Variants in NRG3 observed in about 807,000 individuals in gnomAD.
NRG3 encodes the protein pro-neuregulin-3, membrane-bound isoform.
Under a neutral mutation model 66.9 loss-of-function variants are expected in NRG3, and 31 were observed. The observed-to-expected ratio is 0.46, with a 90% CI of 0.35 to 0.63. The LOEUF (loss-of-function observed/expected upper bound fraction) is 0.63, where lower values mean the gene tolerates loss of function less well. Among genes scored for constraint, NRG3 ranks in the 20% least tolerant of loss-of-function variants. The pLI is 0.00. For missense variants in NRG3, 910 were observed against 878.9 expected, an observed-to-expected ratio of 1.04 and a Z score of -0.45; for synonymous variants, 393 against 359.4, an observed-to-expected ratio of 1.09 and a Z score of -1.06.
chr10:82,456,210 C>G (rs918442656), intron 2 of NRG3, among the ~76,000 whole-genome samples: 1 of 141,252 alleles, frequency 7.1e-6, no homozygotes, highest in African/African-American at 2.6e-5. Flanking sequence ...GTGGTGTGAT[C>G]ATGGCTCACT....
chr10:82,380,262 A>G (rs1440151694), intron 2 of NRG3, among the ~76,000 whole-genome samples: 1 of 119,870 alleles, frequency 8.3e-6, no homozygotes, highest in Non-Finnish European at 1.6e-5. Context: ...AGACAAGCAG[A>G]TCAGATTTTT....
At chr10:82,936,441 G>T (rs769985825) in intron 4 of NRG3, among the ~76,000 whole-genome samples, 1 of 152,140 alleles carries the variant, frequency 6.6e-6, no homozygotes, top group Admixed American at 6.5e-5. Context: ...GTTATGAGAG[G>T]CCATAGGGTT....
intron 1 of NRG3, among the ~76,000 whole-genome samples, chr10:81,992,826 A>G (rs546508386): frequency 1.2e-4 from 18 of 152,196 alleles, no homozygotes; most frequent in Non-Finnish European, 2.4e-4. Flanking sequence ...GCCAGCAGAT[A>G]CAAGTCCTGC....
At chr10:82,983,948 T>C (rs1332127306) in intron 8 of NRG3, among the ~76,000 whole-genome samples, 1 of 152,250 alleles carries the variant, frequency 6.6e-6, no homozygotes, top group South Asian at 2.1e-4. Context: ...GCTCCCATCA[T>C]GTCCTTACAA....
chr10:82,781,236 G>A (rs1351295353), intron 3 of NRG3, among the ~76,000 whole-genome samples: 1 of 152,098 alleles, frequency 6.6e-6, no homozygotes, highest in Admixed American at 6.6e-5. Flanking sequence ...TAGAGGAGAG[G>A]AACAAGGAAT....
intron 2 of NRG3, among the ~76,000 whole-genome samples, chr10:82,507,718 T>C (rs1844814929): frequency 6.6e-6 from 1 of 152,202 alleles, no homozygotes; most frequent in Admixed American, 6.5e-5. Context: ...GGACTAGGTT[T>C]CTGAAAGCTA....
rs1014209325 is a variant in NRG3, at chr10:82,837,295, C to G, written c.1028-28116C>G. 3.9e-5 allele frequency among the ~76,000 whole-genome samples: 6 copies of G among 152,042 alleles called. No individual in the cohort carries two copies. In the East Asian group the frequency reaches 9.7e-4, roughly 24 times the overall value. Reference sequence around the variant, plus strand: ...GCTGAGTCAAATGGTATTTCTAGTTCTAGATCCCTGAGGAATCACCACACT... The same window carrying G: ...GCTGAGTCAAATGGTATTTCTAGTTGTAGATCCCTGAGGAATCACCACACT... On this transcript the variant is annotated intron_variant, in intron 3 of 8. Coordinates refer to ENST00000372141, the MANE Select transcript of NRG3 (RefSeq NM_001010848.4).
In NRG3 at chr10:82,677,455, A is replaced by G. The variant is rs1463904168; in HGVS notation, c.954-61122A>G. On this transcript the variant is annotated intron_variant, in intron 2 of 8. Coordinates refer to ENST00000372141, the MANE Select transcript of NRG3 (RefSeq NM_001010848.4). ...CTTTTTGGTACTGACACTTTTACACACAACAAGATCATTCATGCAAAAATG... is the reference window on the plus strand; with the variant it reads ...CTTTTTGGTACTGACACTTTTACACGCAACAAGATCATTCATGCAAAAATG... Among the ~76,000 whole-genome samples the G allele has an allele frequency of 2.0e-5, 3 of 152,158 alleles. No homozygotes were observed. The East Asian group carries it at 5.8e-4, about 29-fold the overall frequency.
chr10:82,346,569 G>T (rs1564820176), intron 1 of NRG3, among the ~76,000 whole-genome samples: 1 of 152,060 alleles, frequency 6.6e-6, no homozygotes, highest in Admixed American at 6.5e-5. Context: ...TCAGAATGAT[G>T]CTGGCCTCAT....
intron 1 of NRG3, among the ~76,000 whole-genome samples, chr10:82,027,115 G>A (rs577440029): frequency 2.0e-5 from 3 of 152,084 alleles, no homozygotes; most frequent in South Asian, 4.2e-4. Context: ...TATTTTCTGG[G>A]CATCCTTTGG....
intron 1 of NRG3, among the ~76,000 whole-genome samples, chr10:82,286,055 C>T (rs1488723989): frequency 1.3e-5 from 2 of 152,130 alleles, no homozygotes; most frequent in African/African-American, 4.8e-5. Context: ...TGTGTTGATT[C>T]TACAAACAGA....
chr10:82,009,785 A>C lies in NRG3; in HGVS notation c.823+133622A>C, dbSNP rs1589767946. On this transcript the variant is annotated intron_variant, in intron 1 of 8. Coordinates refer to ENST00000372141, the MANE Select transcript of NRG3 (RefSeq NM_001010848.4). ...GCTGAGACCAAATCCCTGGGATCAG[A>C]CCTTTCAGCCCCAGCCATGCCTCCT... 3.9e-5 allele frequency among the ~76,000 whole-genome samples: 6 copies of C among 152,258 alleles called. No individual in the cohort carries two copies. The South Asian group carries it at 1.2e-3, about 32-fold the overall frequency.
intron 2 of NRG3, among the ~76,000 whole-genome samples, chr10:82,663,714 A>G (rs2052545989): frequency 6.6e-6 from 1 of 152,230 alleles, no homozygotes; most frequent in Non-Finnish European, 1.5e-5. Context: ...TGCAAACACT[A>G]GAAAATGATA....
At chr10:82,059,658 T>C (rs777581442) in intron 1 of NRG3, among the ~76,000 whole-genome samples, 2 of 152,194 alleles carry the variant, frequency 1.3e-5, no homozygotes, top group East Asian at 1.9e-4. Flanking sequence ...TTCTTACTTA[T>C]GATCGGCGCT....
intron 2 of NRG3, among the ~76,000 whole-genome samples, chr10:82,664,092 C>T (rs1195213119): frequency 6.6e-5 from 10 of 152,164 alleles, no homozygotes; most frequent in African/African-American, 2.4e-4. Context: ...GTGTTCAAAT[C>T]TGCTTTTCTC....
At chr10:82,691,255 A>T (rs1423186182) in intron 2 of NRG3, among the ~76,000 whole-genome samples, 2 of 152,154 alleles carry the variant, frequency 1.3e-5, no homozygotes, top group Non-Finnish European at 2.9e-5. Flanking sequence ...CACAACACAA[A>T]GCTTTTATGA....
At chr10:82,778,732 G>A (rs1379294514) in intron 3 of NRG3, among the ~76,000 whole-genome samples, 2 of 152,104 alleles carry the variant, frequency 1.3e-5, no homozygotes, top group African/African-American at 4.8e-5. Context: ...TGGTCCTTTG[G>A]TGGCAGGGCA....
At chr10:82,964,098 A>T (rs932616023) in intron 6 of NRG3, among the ~76,000 whole-genome samples, 1 of 152,234 alleles carries the variant, frequency 6.6e-6, no homozygotes, top group African/African-American at 2.4e-5. Flanking sequence ...AGATTCATAC[A>T]TTCATTTATT....
At chr10:82,028,690 A>G (rs2062427697) in intron 1 of NRG3, among the ~76,000 whole-genome samples, 1 of 152,076 alleles carries the variant, frequency 6.6e-6, no homozygotes, top group Non-Finnish European at 1.5e-5. Flanking sequence ...TGGGGTGCTT[A>G]TTGTTATAGA....
Sources: allele counts gnomAD v4.1 joint callset (sites outside exome capture counted in the v4.1 genomes callset), GRCh38; gene constraint gnomAD v4.1.1; transcripts MANE v1.5; gene names NCBI Gene and HGNC (gene_info 2026-07-23, HGNC 2026-07-21).